Variants in HEATR6 observed in about 807,000 individuals in gnomAD.
HEATR6 encodes HEAT repeat containing 6.
A neutral mutation model predicts 132.8 loss-of-function variants in HEATR6; 106 were observed. That is an observed-to-expected ratio of 0.80 (90% confidence interval 0.68 to 0.94). HEATR6 has a LOEUF of 0.94. Among genes scored for constraint, HEATR6 ranks in the 40% least tolerant of loss-of-function variants. The pLI is 0.00. For missense variants in HEATR6, 1,339 were observed against 1,425.1 expected (o/e 0.94, Z 0.97); for synonymous variants, 529 against 537.8 (o/e 0.98, Z 0.23).
Position 60,057,389 on chromosome 17 carries a change from C to A in HEATR6, c.1738G>T (p.Val580Leu), listed in dbSNP as rs1177262814. 1.9e-6 allele frequency: 3 copies of A among 1,593,838 alleles called. No individual in the cohort carries two copies. Among genetic ancestry groups the A allele is most frequent in the Middle Eastern group, 1.7e-4 (1 of 5,958 alleles). ...GCTCCCAAGAGTGTGAGACTTGACA[C>A]ACGAACATTAACATCTGTCAAAGGA... ...YIRHKDVNVR[V>L]SSLTLLGAIV... Residue 580 changes from valine (V) to leucine (L), a missense_variant, in exon 12 of 20, where the codon GTG becomes TTG. By Grantham distance (32) the Val-to-Leu change is conservative (BLOSUM62 1). Coordinates refer to ENST00000184956, the MANE Select transcript of HEATR6 (RefSeq NM_022070.5).
intron 7 of HEATR6, 144 bp from the exon 8 acceptor site, chr17:60,067,876 G>A: frequency 1.5e-6 from 1 of 673,696 alleles, no homozygotes; most frequent in Non-Finnish European, 2.4e-6. Flanking sequence ...AGAAAAAAGT[G>A]TAACTTCATT....
chr17:60,045,574 GT>G (rs1166231688), intron 19 of HEATR6, among the ~76,000 whole-genome samples: 1 of 152,016 alleles, frequency 6.6e-6, no homozygotes, highest in Non-Finnish European at 1.5e-5. Context: ...TCTCATTCCA[GT>G]TTTTTTCCTT....
chr17:60,052,873 C>T (rs1334383816), intron 14 of HEATR6, among the ~76,000 whole-genome samples: 2 of 152,038 alleles, frequency 1.3e-5, no homozygotes, highest in East Asian at 1.9e-4. Flanking sequence ...ACACGGGTAA[C>T]GGAATTACCT....
rs949029935 is a variant in HEATR6, at chr17:60,049,683, C to G, written c.2444G>C (p.Cys815Ser). 14 of 1,613,260 alleles carry G rather than the reference C, an allele frequency of 8.7e-6. No individual in the cohort carries two copies. The highest frequency in any genetic ancestry group is 1.7e-5 in the Admixed American group (1 of 59,976). ...ATTCAGCCCGAGCAGCACTGTGATG[C>G]ACAGCATCTGCCTGTCATTCTGCAA... The part of the protein sequence containing the change: ...SNLPNDRQML[C>S]ITVLLGLNDS... Residue 815 changes from cysteine to serine, a missense_variant, in exon 16 of 20, where the codon TGC (cysteine) becomes TCC (serine). By Grantham distance (112) the Cys-to-Ser change is moderately radical. Coordinates refer to ENST00000184956, the MANE Select transcript of HEATR6 (RefSeq NM_022070.5).
At chr17:60,047,174 C>A (rs533339355) in intron 18 of HEATR6, 135 bp downstream of exon 18, 6 of 555,684 alleles carry the variant, frequency 1.1e-5, no homozygotes, top group Non-Finnish European at 1.9e-5. Flanking sequence ...CCTGAGCACA[C>A]CCTCAGTCTC....
rs1403410866 is a variant in HEATR6, at chr17:60,050,927, C to T, written c.2340G>A (p.Leu780=). 1 of 1,614,192 alleles carries T rather than the reference C, an allele frequency of 6.2e-7. No homozygotes were observed. Among genetic ancestry groups the T allele is most frequent in the East Asian group, 2.2e-5 (1 of 44,888 alleles). ...MMLNGPLPRA[L]QNSEHPTLQA... ...GGAGAGTTGGGTGTTCTGAATTCTG[C>T]AGGGCTCTGGGTAAAGGACCGTTCA... The change falls in exon 15 of 20, where the codon CTG becomes CTA. Residue 780 remains leucine (L), a synonymous_variant. Transcript: ENST00000184956.
chr17:60,043,912 A>G lies in HEATR6; in HGVS notation c.3197T>C (p.Val1066Ala). 6.2e-7 allele frequency: 1 copy of G among 1,614,162 alleles called. No individual in the cohort carries two copies. Among genetic ancestry groups the G allele is most frequent in the East Asian group, 2.2e-5 (1 of 44,886 alleles). ...TIDFLEFKYC[V>A]SLRTQICQAL... ...CTGGCAGATTTGGGTCCGTAGGCTG[A>G]CACAGTACTTGAATTCCAAAAAGTC... Residue 1066 changes from valine to alanine, a missense_variant, in exon 20 of 20, where the codon GTC (valine) becomes GCC (alanine). Physicochemically the swap from Val to Ala is moderately conservative, Grantham distance 64. Transcript: ENST00000184956.
At position 60,076,151 on chromosome 17, in the gene HEATR6, G is replaced by A; in HGVS notation, c.306C>T (p.His102=). The change falls in exon 2 of 20, where the codon CAC becomes CAT. Residue 102 remains histidine, a synonymous_variant. Coordinates refer to ENST00000184956, the MANE Select transcript of HEATR6 (RefSeq NM_022070.5). The part of the protein sequence containing the change: ...HLVSKVSQLI[H]HLLNRLQVIV... The stretch of plus-strand genomic sequence containing the variant: ...TTACCTGTAATCTGTTAAGTAAATG[G>A]TGGATAAGCTGGCTCACTTTGCTGA... The A allele has an allele frequency of 6.2e-7, 1 of 1,605,446 alleles. No individual in the cohort carries two copies. Among genetic ancestry groups the A allele is most frequent in the Non-Finnish European group, 8.5e-7 (1 of 1,173,176 alleles).
intron 7 of HEATR6, among the ~76,000 whole-genome samples, chr17:60,068,159 T>G (rs908204046): frequency 6.6e-5 from 10 of 152,126 alleles, no homozygotes; most frequent in Admixed American, 4.6e-4. Context: ...ATGACTTGAG[T>G]GTCTATTTTA....
intron 4 of HEATR6, 118 bp downstream of exon 4, chr17:60,073,046 T>C: frequency 1.7e-6 from 1 of 601,058 alleles, no homozygotes; most frequent in Non-Finnish European, 3.0e-6. Flanking sequence ...ACATGGGAAA[T>C]GCAAAGTTAG....
In HEATR6 at chr17:60,078,742, T is replaced by C; in HGVS notation, c.173A>G (p.Gln58Arg). 1 of 1,559,478 alleles carries C rather than the reference T, an allele frequency of 6.4e-7. No individual in the cohort carries two copies. The highest frequency in any genetic ancestry group is 8.7e-7 in the Non-Finnish European group (1 of 1,153,240). Residue 58 changes from glutamine (Q) to arginine (R), a missense_variant, in exon 1 of 20, where the codon CAG becomes CGG. Gln to Arg is a conservative substitution (Grantham distance 43, BLOSUM62 1). Coordinates refer to ENST00000184956, the MANE Select transcript of HEATR6 (RefSeq NM_022070.5). ...ARTEIHLLFD[Q>R]LISENYSEGS... ...CTCGCTGTAGTTCTCGGAGATGAGC[T>C]GATCGAAGAGCAGGTGGATCTCGGT...
At chr17:60,047,471 A>G in intron 17 of HEATR6, 66 bp from the exon 18 acceptor site, 2 of 848,358 alleles carry the variant, frequency 2.4e-6, no homozygotes, top group Non-Finnish European at 3.7e-6. Context: ...ACATATAGAA[A>G]TATATTCAAT....
At position 60,067,640 on chromosome 17, in the gene HEATR6, T is replaced by C; in HGVS notation, c.1032A>G (p.Pro344=). The C allele has an allele frequency of 6.2e-7, 1 of 1,613,020 alleles. No individual in the cohort carries two copies. Among genetic ancestry groups the C allele is most frequent in the Non-Finnish European group, 8.5e-7 (1 of 1,179,626 alleles). ...GGTTCACTCTGCCTGTGCCAGTGACTGGGGCTGCCTCTATTTCACCACTGG... is the reference window on the plus strand; with the variant it reads ...GGTTCACTCTGCCTGTGCCAGTGACCGGGGCTGCCTCTATTTCACCACTGG... ...KESSGEIEAA[P]VTGTGRVNLH... The change falls in exon 8 of 20, where the codon CCA becomes CCG. Residue 344 remains proline, a synonymous_variant. Transcript: ENST00000184956.
At chr17:60,074,338 C>A (rs1380952316) in intron 2 of HEATR6, among the ~76,000 whole-genome samples, 1 of 152,158 alleles carries the variant, frequency 6.6e-6, no homozygotes, top group East Asian at 1.9e-4. Flanking sequence ...TGTCAAGGAG[C>A]TGATAATCTT....
chr17:60,066,334 T>C lies in HEATR6; in HGVS notation c.1291A>G (p.Ile431Val). Residue 431 changes from isoleucine (I) to valine (V), a missense_variant, in exon 9 of 20, where the codon ATA becomes GTA. Coordinates refer to ENST00000184956, the MANE Select transcript of HEATR6 (RefSeq NM_022070.5). ...QGALVCFLST[I>V]KSIEKKVLYG... ...AGAACTTTTTTTTCTATCGATTTTATAGTAGAAAGAAAACAAACTAAGGCT... is the reference window on the plus strand; with the variant it reads ...AGAACTTTTTTTTCTATCGATTTTACAGTAGAAAGAAAACAAACTAAGGCT... The C allele has an allele frequency of 1.9e-6, 3 of 1,613,754 alleles. No individual in the cohort carries two copies. Among genetic ancestry groups the C allele is most frequent in the South Asian group, 1.1e-5 (1 of 90,984 alleles).
In HEATR6 at chr17:60,069,598, A is replaced by G. The variant is rs889701536; in HGVS notation, c.939+113T>C. ...TTACTATGCTAACAACCCTAAACTG[A>G]AATAAAATTCAAGGTAGGCTTTTAG... On this transcript the variant is annotated intron_variant, in intron 7 of 19. Transcript: ENST00000184956. The G allele has an allele frequency of 3.0e-6, 3 of 993,654 alleles. No individual in the cohort carries two copies. The African/African-American group carries it at 4.9e-5, about 16-fold the overall frequency. The allele number at this position is 993,654 out of a possible 1,614,324, so 61.6% of individuals were successfully genotyped here.
intron 19 of HEATR6, among the ~76,000 whole-genome samples, chr17:60,045,378 G>A (rs6503942): frequency 0.095 from 14,488 of 152,208 alleles, 894 homozygotes; most frequent in African/African-American, 0.17. Context: ...GCAATAAAGC[G>A]AACGCTGGCA....
intron 15 of HEATR6, among the ~76,000 whole-genome samples, 174 bp from the exon 16 acceptor site, chr17:60,049,876 T>C (rs1007432626): frequency 1.3e-5 from 2 of 152,224 alleles, no homozygotes; most frequent in Non-Finnish European, 2.9e-5. Context: ...CATAATTATC[T>C]GAGCACCCAC....
At chr17:60,055,714 A>AACACCTCCACTCGAGTG (rs1568617817) in intron 13 of HEATR6, 113 bp from the exon 14 acceptor site, 1 of 630,908 alleles carries the variant, frequency 1.6e-6, no homozygotes, top group East Asian at 2.8e-5. Context: ...CCACTCGAGT[A>AACACCTCCACTCGAGTG]ACACCTTCAC....
Sources: allele counts gnomAD v4.1 joint callset (sites outside exome capture counted in the v4.1 genomes callset), GRCh38; gene constraint gnomAD v4.1.1; transcripts MANE v1.5; gene names NCBI Gene and HGNC (gene_info 2026-07-23, HGNC 2026-07-21).